The following COL4A2 variants were observed in gnomAD, a reference collection of about 807,000 sequenced individuals.
COL4A2 encodes the protein collagen type IV alpha 2 chain.
A neutral mutation model predicts 200.2 loss-of-function variants in COL4A2; 99 were observed. That is an observed-to-expected ratio of 0.49 (90% confidence interval 0.42 to 0.58). The LOEUF (loss-of-function observed/expected upper bound fraction) is 0.58, where lower values mean the gene tolerates loss of function less well. Among genes scored for constraint, COL4A2 ranks in the 20% least tolerant of loss-of-function variants. The pLI is 0.00. For synonymous variants in COL4A2, 897 were observed against 900.6 expected, an observed-to-expected ratio of 1.00 and a Z score of 0.07; for missense variants, 1,950 against 2,314.1, an observed-to-expected ratio of 0.84 and a Z score of 3.23.
intron 24 of COL4A2, among the ~76,000 whole-genome samples, chr13:110,464,485 T>C (rs913846579): frequency 1.3e-5 from 2 of 152,172 alleles, no homozygotes; most frequent in South Asian, 4.1e-4. Context: ...TTGGGGCATC[T>C]GCCCTGTGAT....
At chr13:110,326,063 G>A (rs1885401539) in intron 3 of COL4A2, among the ~76,000 whole-genome samples, 1 of 152,152 alleles carries the variant, frequency 6.6e-6, no homozygotes, top group African/African-American at 2.4e-5. Context: ...TGGGATTACG[G>A]GCATGAGCCA....
chr13:110,336,305 C>A (rs1481486491), intron 3 of COL4A2, among the ~76,000 whole-genome samples: 1 of 151,976 alleles, frequency 6.6e-6, no homozygotes, highest in Non-Finnish European at 1.5e-5. Context: ...GCGCTGCACT[C>A]GGAAAGTTGA....
intron 6 of COL4A2, among the ~76,000 whole-genome samples, chr13:110,425,915 AG>A (rs1227415137): frequency 6.6e-6 from 1 of 152,192 alleles, no homozygotes; most frequent in Non-Finnish European, 1.5e-5. Context: ...TCCGCAGAGC[AG>A]AAGGAGACAG....
chr13:110,355,591 A>T lies in COL4A2; in HGVS notation c.100-1881A>T, dbSNP rs368499212. On this transcript the variant is annotated intron_variant, in intron 3 of 47. Coordinates refer to ENST00000360467, the MANE Select transcript of COL4A2 (RefSeq NM_001846.4). ...TAGCTCACCTGTGTGGGGGGAGGGC[A>T]GTACCAGCTCACCTGTGTGTGTGGG... 1.0e-3 allele frequency among the ~76,000 whole-genome samples: 10 copies of T among 9,712 alleles called. 2 individuals carry two copies. The highest frequency in any genetic ancestry group is 1.3e-3 in the Non-Finnish European group (8 of 6,272). The allele number at this position is 9,712 out of a possible 152,430, so 6.4% of individuals were successfully genotyped here. A position where few individuals can be genotyped will look rare whatever the true frequency, so the allele number is the denominator to read the frequency against.
chr13:110,415,974 G>A (rs1391684362), intron 4 of COL4A2, among the ~76,000 whole-genome samples: 1 of 152,272 alleles, frequency 6.6e-6, no homozygotes, highest in Non-Finnish European at 1.5e-5. Flanking sequence ...ATTGGCACGT[G>A]CCATTGGCAC....
chr13:110,509,268 T>C (rs201908010), intron 47 of COL4A2, among the ~76,000 whole-genome samples: 1,526 of 120,516 alleles, frequency 0.013, 18 homozygotes, highest in East Asian at 0.021. Context: ...TATATATATA[T>C]ATACACACAC....
intron 4 of COL4A2, among the ~76,000 whole-genome samples, chr13:110,360,832 C>T (rs1353149471): frequency 3.3e-5 from 5 of 150,348 alleles, no homozygotes; most frequent in South Asian, 4.4e-4. Flanking sequence ...ACTGTGCACG[C>T]GCAGCACTCA....
intron 31 of COL4A2, among the ~76,000 whole-genome samples, chr13:110,481,049 TCCATTGCTGGAGACACACTGTTCTGTCCC>T (rs1566559039): frequency 9.1e-4 from 92 of 101,158 alleles, no homozygotes; most frequent in Non-Finnish European, 1.3e-3. Flanking sequence ...GTTCTGTCCC[TCCATTGCTGGAGACACACTGTTCTGTCCC>T]TCCGTTGCTG....
chr13:110,356,139 G>A (rs1167551624), intron 3 of COL4A2, among the ~76,000 whole-genome samples: 1 of 152,170 alleles, frequency 6.6e-6, no homozygotes, highest in Non-Finnish European at 1.5e-5. Flanking sequence ...TGAGATCAAG[G>A]ATGAGAAACA....
chr13:110,486,261 C>T (rs760988949), intron 34 of COL4A2, among the ~76,000 whole-genome samples: 14 of 152,310 alleles, frequency 9.2e-5, no homozygotes, highest in Non-Finnish European at 4.4e-5. Flanking sequence ...CTTTGTTCAG[C>T]GGATGTCTGT....
chr13:110,491,972 C>A, intron 37 of COL4A2, 98 bp from the exon 38 acceptor site: 2 of 1,047,756 alleles, frequency 1.9e-6, no homozygotes, highest in Non-Finnish European at 2.7e-6. Context: ...TTCCGGCCCT[C>A]GGCCCCTCCC....
intron 4 of COL4A2, among the ~76,000 whole-genome samples, chr13:110,368,593 G>GC (rs1877855247): frequency 6.6e-6 from 1 of 152,128 alleles, no homozygotes; most frequent in African/African-American, 2.4e-5. Flanking sequence ...CGTCTGGACA[G>GC]CATTTGTCAT....
intron 20 of COL4A2, among the ~76,000 whole-genome samples, chr13:110,451,015 C>A (rs11069845): frequency 0.61 from 92,356 of 152,030 alleles, 28,794 homozygotes; most frequent in Middle Eastern, 0.72. Context: ...ACAGCCGTCC[C>A]CCAAGGCCCA....
At chr13:110,372,017 G>A (rs113049076) in intron 4 of COL4A2, among the ~76,000 whole-genome samples, 25 of 150,608 alleles carry the variant, frequency 1.7e-4, no homozygotes, top group African/African-American at 4.8e-4. Context: ...GGGAGATTCC[G>A]CTCACCTCTC....
At chr13:110,491,420 A>AT (rs1205063424) in intron 37 of COL4A2, 80 bp downstream of exon 37, 6 of 929,668 alleles carry the variant, frequency 6.5e-6, no homozygotes, top group Non-Finnish European at 1.0e-5. Context: ...AACATTGTCA[A>AT]TTTCCTCCAA....
intron 4 of COL4A2, among the ~76,000 whole-genome samples, chr13:110,371,425 G>T (rs1266100382): frequency 1.3e-5 from 2 of 152,076 alleles, no homozygotes; most frequent in South Asian, 2.1e-4. Flanking sequence ...TTCTGTATGC[G>T]TGTATTTCCA....
At chr13:110,475,388 A>G (rs1445482554) in intron 29 of COL4A2, among the ~76,000 whole-genome samples, 2 of 152,164 alleles carry the variant, frequency 1.3e-5, no homozygotes, top group Non-Finnish European at 2.9e-5. Flanking sequence ...TCCACCATCG[A>G]CCTGTTCTGC....
chr13:110,458,831 T>C lies in COL4A2; in HGVS notation c.1493T>C (p.Leu498Pro), dbSNP rs1458192767. The change falls in exon 22 of 48, where the codon CTG (leucine) becomes CCG (proline). Residue 498 changes from leucine to proline, a missense_variant. Leu to Pro is a moderately conservative substitution (Grantham distance 98). Transcript: ENST00000360467. ...GAAGCTATCAAAGGTCTTCCGGGAC[T>C]GCCAGGACCCAAGGGCTTCGCAGGC... is the stretch of plus-strand genomic sequence containing the variant. ...GDEAIKGLPG[L>P]PGPKGFAGIN... 5.0e-6 allele frequency: 8 copies of C among 1,613,786 alleles called. No individual in the cohort carries two copies. The Admixed American group carries it at 6.7e-5, about 13-fold the overall frequency.
chr13:110,410,433 G>C (rs1879787100), intron 4 of COL4A2, among the ~76,000 whole-genome samples: 1 of 152,200 alleles, frequency 6.6e-6, no homozygotes, highest in Non-Finnish European at 1.5e-5. Flanking sequence ...GACTCATTCT[G>C]TTCTTGGACA....
Sources: allele counts gnomAD v4.1 joint callset (sites outside exome capture counted in the v4.1 genomes callset), GRCh38; gene constraint gnomAD v4.1.1; transcripts MANE v1.5; gene names NCBI Gene and HGNC (gene_info 2026-07-23, HGNC 2026-07-21).